Variants in TRIM42 observed in about 807,000 individuals in gnomAD.
TRIM42 encodes the protein tripartite motif-containing protein 42.
In TRIM42, 59 loss-of-function variants were observed where a neutral mutation model predicts 64.9. That is an observed-to-expected ratio of 0.91 (90% CI 0.74 to 1.13). The LOEUF (loss-of-function observed/expected upper bound fraction) is 1.13, where lower values mean the gene tolerates loss of function less well. TRIM42 is among the 50% of genes most tolerant of loss of function. The pLI is 0.00. For synonymous variants in TRIM42, 354 were observed against 346.3 expected, an observed-to-expected ratio of 1.02 and a Z score of -0.25; for missense variants, 878 against 929.5, an observed-to-expected ratio of 0.94 and a Z score of 0.72.
intron 3 of TRIM42, among the ~76,000 whole-genome samples, chr3:140,688,809 C>T (rs901065218): frequency 6.6e-6 from 1 of 152,256 alleles, no homozygotes; most frequent in African/African-American, 2.4e-5. Context: ...ACTGCAAAGG[C>T]AGCTTCTCAA....
intron 2 of TRIM42, among the ~76,000 whole-genome samples, chr3:140,684,171 T>C (rs1172871697): frequency 6.6e-6 from 1 of 152,136 alleles, no homozygotes; most frequent in Non-Finnish European, 1.5e-5. Context: ...GGCATTAAAA[T>C]GTCCTCCATG....
intron 4 of TRIM42, among the ~76,000 whole-genome samples, chr3:140,694,011 A>G (rs1198864943): frequency 1.3e-5 from 2 of 152,190 alleles, no homozygotes; most frequent in African/African-American, 4.8e-5. Context: ...TACAGATAAG[A>G]AAAATGAGGC....
Position 140,688,355 on chromosome 3 carries a change from G to A in TRIM42, c.1673G>A (p.Arg558Lys). 6.2e-7 allele frequency: 1 copy of A among 1,614,182 alleles called. No homozygotes were observed. The highest frequency in any genetic ancestry group is 8.5e-7 in the Non-Finnish European group (1 of 1,180,020). ...AAGGTGGGTCTGGAGGCCTGTGGGA[G>A]AGCCCAGTCAGCCACCCCCGCCAAA... ...KAKVGLEACG[R>K]AQSATPAKPT... The change falls in exon 3 of 5, where the codon AGA (arginine) becomes AAA (lysine). Residue 558 changes from arginine to lysine, a missense_variant. Transcript: ENST00000286349.
chr3:140,682,716 A>G lies in TRIM42; in HGVS notation c.596A>G (p.Tyr199Cys). The G allele has an allele frequency of 6.2e-7, 1 of 1,612,542 alleles. No individual in the cohort carries two copies. The highest frequency in any genetic ancestry group is 8.5e-7 in the Non-Finnish European group (1 of 1,179,994). The change falls in exon 2 of 5, where the codon TAC becomes TGC. Residue 199 changes from tyrosine (Y) to cysteine (C), a missense_variant. Transcript: ENST00000286349. ...TGCGACCGCTCGCACTGCATGCCCTACAGCAACAAGATGCAGCTGCCCGAG... is the reference window on the plus strand; with the variant it reads ...TGCGACCGCTCGCACTGCATGCCCTGCAGCAACAAGATGCAGCTGCCCGAG... The part of the protein sequence containing the change: ...PVCDRSHCMP[Y>C]SNKMQLPENY...
intron 1 of TRIM42, among the ~76,000 whole-genome samples, 189 bp from the exon 2 acceptor site, chr3:140,682,273 T>G (rs532336549): frequency 6.6e-6 from 1 of 152,298 alleles, no homozygotes; most frequent in Non-Finnish European, 1.5e-5. Flanking sequence ...GTTAACTGGC[T>G]TACCTGAGGT....
chr3:140,689,056 G>A (rs1465669165), intron 3 of TRIM42, among the ~76,000 whole-genome samples: 2 of 152,178 alleles, frequency 1.3e-5, no homozygotes, highest in Non-Finnish European at 2.9e-5. Flanking sequence ...CAACTCTTCT[G>A]AGATTCAACC....
intron 4 of TRIM42, 84 bp downstream of exon 4, chr3:140,691,276 A>G: frequency 8.6e-7 from 1 of 1,168,252 alleles, no homozygotes; most frequent in South Asian, 1.3e-5. Flanking sequence ...TCGTGAGATT[A>G]TAGAACTCAC....
chr3:140,686,926 T>A (rs1200030843), intron 2 of TRIM42, among the ~76,000 whole-genome samples: 1 of 152,206 alleles, frequency 6.6e-6, no homozygotes, highest in Non-Finnish European at 1.5e-5. Context: ...TATCTTTGGA[T>A]TTATTCATAC....
Position 140,687,819 on chromosome 3 carries a change from C to T in TRIM42, c.1137C>T (p.Gly379=), listed in dbSNP as rs914390547. The change falls in exon 3 of 5, where the codon GGC becomes GGT. Residue 379 remains glycine, a synonymous_variant. Coordinates refer to ENST00000286349, the MANE Select transcript of TRIM42 (RefSeq NM_152616.5). ...CAAAGCGAAAAGAGATCAGAAATGGCTTTCTCAAGTTGCGCAGCATTCTTC... is the reference window on the plus strand; with the variant it reads ...CAAAGCGAAAAGAGATCAGAAATGGTTTTCTCAAGTTGCGCAGCATTCTTC... The part of the protein sequence containing the change: ...KEAKRKEIRN[G]FLKLRSILQE... The T allele has an allele frequency of 1.9e-6, 3 of 1,614,188 alleles. No individual in the cohort carries two copies. The highest frequency in any genetic ancestry group is 2.5e-6 in the Non-Finnish European group (3 of 1,180,024).
In TRIM42 at chr3:140,683,126, T is replaced by A. The variant is rs1207658929; in HGVS notation, c.1006T>A (p.Ser336Thr). The A allele has an allele frequency of 6.2e-7, 1 of 1,614,202 alleles. No individual in the cohort carries two copies. Among genetic ancestry groups the A allele is most frequent in the Admixed American group, 1.7e-5 (1 of 60,026 alleles). The change falls in exon 2 of 5, where the codon TCA becomes ACA. Residue 336 changes from serine to threonine, a missense_variant. Ser to Thr is a moderately conservative substitution (Grantham distance 58). Coordinates refer to ENST00000286349, the MANE Select transcript of TRIM42 (RefSeq NM_152616.5). Reference protein sequence around the residue: ...LIDACSERAASLFSAIAKFKA... With the variant: ...LIDACSERAATLFSAIAKFKA... ...CGACGCCTGCTCCGAGAGGGCCGCC[T>A]CACTCTTCAGCGCCATCGCCAAGTT...
intron 4 of TRIM42, among the ~76,000 whole-genome samples, chr3:140,696,533 T>C (rs898550855): frequency 2.0e-5 from 3 of 152,200 alleles, no homozygotes; most frequent in Admixed American, 2.0e-4. Flanking sequence ...CTCTGGGTTA[T>C]TGATTAGTTT....
chr3:140,693,857 G>C (rs1280417158), intron 4 of TRIM42, among the ~76,000 whole-genome samples: 1 of 152,164 alleles, frequency 6.6e-6, no homozygotes, highest in Non-Finnish European at 1.5e-5. Flanking sequence ...GATTTTGAAA[G>C]GTCCCATTTG....
chr3:140,686,045 A>T (rs1363410050), intron 2 of TRIM42, among the ~76,000 whole-genome samples: 2 of 152,180 alleles, frequency 1.3e-5, no homozygotes, highest in Non-Finnish European at 2.9e-5. Flanking sequence ...GGGGTGGGAC[A>T]TTTGTGGCTT....
intron 1 of TRIM42, among the ~76,000 whole-genome samples, chr3:140,681,456 A>G (rs1010299747): frequency 6.6e-6 from 1 of 152,214 alleles, no homozygotes; most frequent in East Asian, 1.9e-4. Context: ...GAGAGGTTTA[A>G]AAAAACATCT....
Position 140,683,101 on chromosome 3 carries a change from C to T in TRIM42, c.981C>T (p.Ile327=). Reference sequence around the variant, plus strand: ...ATGGCCACGACACCATTAGCCTCATCGACGCCTGCTCCGAGAGGGCCGCCT... The same window carrying T: ...ATGGCCACGACACCATTAGCCTCATTGACGCCTGCTCCGAGAGGGCCGCCT... ...FHNGHDTISL[I]DACSERAASL... The change falls in exon 2 of 5, where the codon ATC becomes ATT. Residue 327 remains isoleucine, a synonymous_variant. Transcript: ENST00000286349. 3 of 1,614,204 alleles carry T rather than the reference C, an allele frequency of 1.9e-6. No individual in the cohort carries two copies. Among genetic ancestry groups the T allele is most frequent in the Non-Finnish European group, 2.5e-6 (3 of 1,180,038 alleles).
chr3:140,682,167 GCT>G (rs1352847054), intron 1 of TRIM42, among the ~76,000 whole-genome samples: 2 of 152,176 alleles, frequency 1.3e-5, no homozygotes, highest in African/African-American at 4.8e-5. Context: ...ACCACGGACT[GCT>G]CTTAGACTGT....
At chr3:140,688,875 G>A (rs1988635307) in intron 3 of TRIM42, among the ~76,000 whole-genome samples, 1 of 152,258 alleles carries the variant, frequency 6.6e-6, no homozygotes, top group Non-Finnish European at 1.5e-5. Flanking sequence ...ACTTGGCAGT[G>A]TAATGTTTCC....
At chr3:140,682,320 G>T (rs1165007959) in intron 1 of TRIM42, 142 bp from the exon 2 acceptor site, 12 of 739,100 alleles carry the variant, frequency 1.6e-5, no homozygotes, top group Admixed American at 2.9e-5. Context: ...GATTGAGAAC[G>T]CAGGCACCTT....
intron 4 of TRIM42, among the ~76,000 whole-genome samples, chr3:140,698,011 A>G (rs550061987): frequency 1.3e-5 from 2 of 152,194 alleles, no homozygotes; most frequent in East Asian, 3.9e-4. Flanking sequence ...TTCAGTTTCC[A>G]TATATTTAGG....
Sources: gnomAD v4.1 joint callset for allele counts (sites outside exome capture counted in the v4.1 genomes callset) on GRCh38, gnomAD v4.1.1 for gene constraint, MANE v1.5 for transcripts, NCBI Gene and HGNC (gene_info 2026-07-23, HGNC 2026-07-21) for gene names.